TLR1: variants seen among roughly 807,000 people sequenced by gnomAD.
TLR1 encodes the protein toll like receptor 1.
TLR1 carries 19 observed loss-of-function variants against 20.2 expected under a neutral mutation model. That is an observed-to-expected ratio of 0.94 (90% CI 0.66 to 1.38). TLR1 has a LOEUF of 1.38. Ranked by LOEUF, TLR1 falls within the 40% of genes most tolerant of loss-of-function variation. The pLI, the probability that TLR1 is intolerant of heterozygous loss-of-function variation, is 0.00. For synonymous variants in TLR1, 320 were observed against 334.5 expected, an observed-to-expected ratio of 0.96 and a Z score of 0.47; for missense variants, 921 against 910.0, an observed-to-expected ratio of 1.01 and a Z score of -0.16.
downstream of TLR1, among the ~76,000 whole-genome samples, chr4:38,788,259 G>A (rs958549580): frequency 3.3e-5 from 5 of 152,132 alleles, no homozygotes; most frequent in African/African-American, 1.2e-4. Flanking sequence ...GAACAAGAGA[G>A]AAATGGAGAG....
downstream of TLR1, chr4:38,790,784 A>G (rs1725696924): frequency 6.6e-6 from 1 of 151,978 alleles, no homozygotes. Context: ...ATTTCATAGA[A>G]ATTTCTTTAA....
downstream of TLR1, among the ~76,000 whole-genome samples, chr4:38,792,754 A>G (rs1725784263): frequency 1.3e-5 from 2 of 150,772 alleles, no homozygotes; most frequent in South Asian, 2.1e-4. Flanking sequence ...CACAGTTAAC[A>G]TACTTATAAA....
chr4:38,796,898 C>T lies in TLR1; in HGVS notation c.1934G>A (p.Gly645Glu). 1 of 1,614,136 alleles carries T rather than the reference C, an allele frequency of 6.2e-7. No homozygotes were observed. Among genetic ancestry groups the T allele is most frequent in the East Asian group, 2.2e-5 (1 of 44,886 alleles). The change falls in exon 4 of 4, where the codon GGG (glycine) becomes GAG (glutamate). Residue 645 changes from glycine to glutamate, a missense_variant. By Grantham distance (98) the Gly-to-Glu change is moderately conservative. Transcript: ENST00000308979. Reference sequence around the variant, plus strand: ...ATTCTTCACCCAGAAAGAATCGTGCCCACTATATGAAATAAATGCATGAAA... The same window carrying T: ...ATTCTTCACCCAGAAAGAATCGTGCTCACTATATGAAATAAATGCATGAAA... ...LQFHAFISYSGHDSFWVKNEL... is the reference protein window; with the variant it reads ...LQFHAFISYSEHDSFWVKNEL...
At chr4:38,795,311 G>C (rs1301316748), downstream of TLR1, among the ~76,000 whole-genome samples, 3 of 152,262 alleles carry the variant, frequency 2.0e-5, no homozygotes, top group East Asian at 5.8e-4. Context: ...TTATGACAAG[G>C]TTTTTGTCAA....
rs1726214069 is a variant in TLR1 at position 38,797,623 on chromosome 4, C to G, written c.1209G>C (p.Leu403Phe). 6.2e-7 allele frequency: 1 copy of G among 1,613,722 alleles called. No homozygotes were observed. Among genetic ancestry groups the G allele is most frequent in the East Asian group, 2.2e-5 (1 of 44,880 alleles). Residue 403 changes from leucine to phenylalanine, a missense_variant, in exon 4 of 4, where the codon TTG becomes TTC. Transcript: ENST00000308979. ...AGCTTACAGAATTCTGGCTAATATC[C>G]AATTGTTGCAGAGACTTCATCTGTG... ...MTTQMKSLQQ[L>F]DISQNSVSYD...
intron 3 of TLR1, among the ~76,000 whole-genome samples, 153 bp from the exon 4 acceptor site, chr4:38,799,051 A>G (rs5743608): frequency 0.038 from 5,817 of 152,332 alleles, 162 homozygotes; most frequent in African/African-American, 0.073. Flanking sequence ...CTAGAGAAGT[A>G]TATATATTGG....
chr4:38,796,336 G>A lies in TLR1; in HGVS notation c.*135C>T, dbSNP rs147339251. The A allele has an allele frequency of 3.1e-4, 296 of 943,232 alleles. No homozygotes were observed. In the African/African-American group the frequency reaches 3.2e-3, roughly 10 times the overall value. The allele number at this position is 943,232 out of a possible 1,614,324, so 58.4% of individuals were successfully genotyped here. A position where few individuals can be genotyped will look rare whatever the true frequency, so the allele number is the denominator to read the frequency against. ...ACATATAAATGGTGAACTGCGACCC[G>A]AAGGTATATATTTTTACCTACATCA... On this transcript the variant is annotated 3_prime_UTR_variant, in exon 4 of 4. Transcript: ENST00000308979.
chr4:38,790,169 T>C (rs990139858), downstream of TLR1, among the ~76,000 whole-genome samples: 1 of 152,232 alleles, frequency 6.6e-6, no homozygotes, highest in Non-Finnish European at 1.5e-5. Context: ...TGGAAAGCTG[T>C]TGCTCCTCTC....
rs368957715 is a variant in TLR1, at chr4:38,798,674, G to T, written c.158C>A (p.Ser53Ter). 5.6e-5 allele frequency: 91 copies of T among 1,613,802 alleles called. No homozygotes were observed. Among genetic ancestry groups the T allele is most frequent in the Non-Finnish European group, 7.5e-5 (88 of 1,179,920 alleles). The change falls in exon 4 of 4, where the codon TCG becomes TAG. Residue 53 changes from serine to a stop codon, truncating the protein, a stop_gained. Coordinates refer to ENST00000308979, the MANE Select transcript of TLR1 (RefSeq NM_003263.4). LOFTEE classifies it low-confidence loss of function (END_TRUNC). ...LSQKTTILNI[S>*]QNYISELWTS... ...CCAAAGCTCAGATATATAATTTTGC[G>T]ATATATTTAAGATTGTTGTTTTCTG...
At chr4:38,796,156 T>A (rs1242561064), downstream of TLR1, 1 of 286,350 alleles carries the variant, frequency 3.5e-6, no homozygotes, top group Non-Finnish European at 6.6e-6. Flanking sequence ...ATATTGGCCA[T>A]GATACACTAG....
chr4:38,800,347 G>A (rs1341128491), intron 3 of TLR1: 2 of 152,064 alleles, frequency 1.3e-5, no homozygotes, highest in African/African-American at 4.8e-5. Context: ...ATGATGAGAG[G>A]GTGGAGAACA....
downstream of TLR1, among the ~76,000 whole-genome samples, chr4:38,791,718 T>A: frequency 6.6e-6 from 1 of 152,368 alleles, no homozygotes; most frequent in South Asian, 2.1e-4. Context: ...AGAAGAATGA[T>A]GATAATGACA....
chr4:38,798,529 G>A lies in TLR1; in HGVS notation c.303C>T (p.Ser101=). 6.2e-7 allele frequency: 1 copy of A among 1,614,066 alleles called. No individual in the cohort carries two copies. The highest frequency in any genetic ancestry group is 8.5e-7 in the Non-Finnish European group (1 of 1,180,014). ...AAGAAATCTTCACCAACTTGTTGTG[G>A]GACAAATCCAAGTATTCCAATTCCT... is the stretch of plus-strand genomic sequence containing the variant. ...FNQELEYLDL[S]HNKLVKISCH... is the part of the protein sequence containing the mutation. The change falls in exon 4 of 4, where the codon TCC becomes TCT. Residue 101 remains serine, a synonymous_variant. Transcript: ENST00000308979.
At chr4:38,789,269 C>A (rs1053162820), downstream of TLR1, among the ~76,000 whole-genome samples, 1 of 152,168 alleles carries the variant, frequency 6.6e-6, no homozygotes, top group African/African-American at 2.4e-5. Flanking sequence ...AATTGGCAAA[C>A]ACTATAAATT....
chr4:38,803,448 T>G (rs1726814326), intron 2 of TLR1, among the ~76,000 whole-genome samples: 1 of 152,264 alleles, frequency 6.6e-6, no homozygotes, highest in Non-Finnish European at 1.5e-5. Flanking sequence ...AAGCATAGCT[T>G]CAGTTTTATG....
In TLR1 at chr4:38,796,793, A is replaced by T. The variant is rs1355828119; in HGVS notation, c.2039T>A (p.Val680Glu). ...ERNFVPGKSI[V>E]ENIITCIEKS... ...CTCAATGCAGGTGATGATATTTTCC[A>T]CAATGCTCTTGCCAGGAACAAAGTT... Residue 680 changes from valine to glutamate, a missense_variant, in exon 4 of 4, where the codon GTG becomes GAG. Transcript: ENST00000308979. 6.2e-7 allele frequency: 1 copy of T among 1,614,248 alleles called. No homozygotes were observed. Among genetic ancestry groups the T allele is most frequent in the Admixed American group, 1.7e-5 (1 of 60,026 alleles).
chr4:38,792,441 AC>A (rs1192913091), downstream of TLR1, among the ~76,000 whole-genome samples: 3 of 152,142 alleles, frequency 2.0e-5, no homozygotes, highest in Non-Finnish European at 4.4e-5. Context: ...GTGTACATAT[AC>A]TTTTGTATCC....
In TLR1 at chr4:38,797,223, T is replaced by C. The variant is rs776090836; in HGVS notation, c.1609A>G (p.Lys537Glu). 9 of 1,614,128 alleles carry C rather than the reference T, an allele frequency of 5.6e-6. No homozygotes were observed. Among genetic ancestry groups the C allele is most frequent in the Non-Finnish European group, 6.8e-6 (8 of 1,180,040 alleles). Residue 537 changes from lysine (K) to glutamate (E), a missense_variant, in exon 4 of 4, where the codon AAA (lysine) becomes GAA (glutamate). Transcript: ENST00000308979. ...TCACTTGATACTTGGTCTATATTTT[T>C]GACAAATTCTCCTAGCTCACAGGTA... ...QCTCELGEFV[K>E]NIDQVSSEVL...
rs763936956 is a variant in TLR1, at chr4:38,797,837, GTGAAATTTT to G, written c.986_994del (p.Lys329_Phe331del). On this transcript the variant is annotated inframe_deletion, in exon 4 of 4. Coordinates refer to ENST00000308979, the MANE Select transcript of TLR1 (RefSeq NM_003263.4). ...GTGGACCATGCGTGTACCAGACACT[GTGAAATTTT>G]TGATGTTCATATTCGAAAAGATTTC... 22 of 1,613,666 alleles carry G rather than the reference GTGAAATTTT, an allele frequency of 1.4e-5. No individual in the cohort carries two copies. The highest frequency in any genetic ancestry group is 1.8e-5 in the Non-Finnish European group (21 of 1,179,870).
Sources: gnomAD v4.1 joint callset for allele counts (sites outside exome capture counted in the v4.1 genomes callset) on GRCh38, gnomAD v4.1.1 for gene constraint, MANE v1.5 for transcripts, NCBI Gene and HGNC (gene_info 2026-07-23, HGNC 2026-07-21) for gene names.